FIBCD1: variants seen among roughly 807,000 people sequenced by gnomAD.
FIBCD1 encodes the protein fibrinogen C domain containing 1.
FIBCD1 carries 47 observed loss-of-function variants against 45.1 expected under a neutral mutation model. The observed-to-expected ratio is 1.04, with a 90% CI of 0.82 to 1.33. FIBCD1 has a LOEUF of 1.33. FIBCD1 is among the 40% of genes most tolerant of loss of function. The pLI is 0.00. For synonymous variants in FIBCD1, 313 were observed against 308.1 expected (o/e 1.02, Z -0.17); for missense variants, 653 against 682.2 (o/e 0.96, Z 0.48).
chr9:130,916,506 G>C (rs542936486), intron 4 of FIBCD1, among the ~76,000 whole-genome samples: 4 of 152,228 alleles, frequency 2.6e-5, no homozygotes, highest in African/African-American at 4.8e-5. Flanking sequence ...TGCAAGTGCC[G>C]AGCACGGCCC....
In FIBCD1 at chr9:130,921,500, C is replaced by T. The variant is rs144015170; in HGVS notation, c.849+2244G>A. ...GCCTCTCTCCCAGGGCCCCCGGAAC[C>T]GGGTGTCTGAGCGCCAGGGCTGGCG... On this transcript the variant is annotated intron_variant, in intron 4 of 6. Transcript: ENST00000372338. Among the ~76,000 whole-genome samples the T allele has an allele frequency of 3.6e-3, 549 of 152,354 alleles. 9 individuals carry two copies. The highest frequency in any genetic ancestry group is 0.024 in the Middle Eastern group (7 of 294).
At position 130,905,258 on chromosome 9, in the gene FIBCD1, C is replaced by T. The variant is rs555984144; in HGVS notation, c.1102G>A (p.Val368Met). The T allele has an allele frequency of 1.5e-5, 24 of 1,613,698 alleles. No individual in the cohort carries two copies. The highest frequency in any genetic ancestry group is 1.4e-4 in the South Asian group (13 of 91,026). ...DPEEDGYPLT[V>M]ADYSGTAGDS... ...CCTGCAGTGCCGGAATAGTCAGCCACGGTGAGCGGGTACCCGTCTTCCTCA... is the reference window on the plus strand; with the variant it reads ...CCTGCAGTGCCGGAATAGTCAGCCATGGTGAGCGGGTACCCGTCTTCCTCA... The change falls in exon 6 of 7, where the codon GTG becomes ATG. Residue 368 changes from valine (V) to methionine (M), a missense_variant. Transcript: ENST00000372338.
chr9:130,911,268 G>A (rs541302297), intron 5 of FIBCD1, among the ~76,000 whole-genome samples: 12 of 152,202 alleles, frequency 7.9e-5, no homozygotes, highest in East Asian at 1.9e-4. Context: ...CTCCAGGCGC[G>A]CTACCTTAAG....
rs780385985 is a variant in FIBCD1 at position 130,924,313 on chromosome 9, C to T, written c.636G>A (p.Gly212=). 80 of 1,605,580 alleles carry T rather than the reference C, an allele frequency of 5.0e-5. No individual in the cohort carries two copies. The highest frequency in any genetic ancestry group is 5.7e-5 in the Non-Finnish European group (67 of 1,177,528). ...DILDALQRDR[G]LGRPRNKADL... is the part of the protein sequence containing the mutation. Reference sequence around the variant, plus strand: ...CGGCCTTGTTGCGGGGCCGGCCCAGCCCCCGGTCCCTCTGCAGGGCATCCA... The same window carrying T: ...CGGCCTTGTTGCGGGGCCGGCCCAGTCCCCGGTCCCTCTGCAGGGCATCCA... The change falls in exon 3 of 7, where the codon GGG becomes GGA. Residue 212 remains glycine (G), a synonymous_variant. Transcript: ENST00000372338.
At chr9:130,907,898 C>CAAAA (rs11301443) in intron 5 of FIBCD1, among the ~76,000 whole-genome samples, 3 of 78,684 alleles carry the variant, frequency 3.8e-5, no homozygotes, top group South Asian at 4.7e-4. Flanking sequence ...GACTCTGTCT[C>CAAAA]AAAAAAAAAA....
chr9:130,905,660 A>G (rs569430335), intron 5 of FIBCD1, among the ~76,000 whole-genome samples: 1 of 152,118 alleles, frequency 6.6e-6, no homozygotes, highest in Non-Finnish European at 1.5e-5. Flanking sequence ...ATGCTTTTCA[A>G]ACGTTGGGGC....
intron 5 of FIBCD1, among the ~76,000 whole-genome samples, chr9:130,910,029 G>A (rs1832008083): frequency 6.6e-6 from 1 of 152,228 alleles, no homozygotes; most frequent in Non-Finnish European, 1.5e-5. Context: ...GGCACTTGAG[G>A]AGCCCTTCAG....
At chr9:130,916,770 C>A (rs1163770041) in intron 4 of FIBCD1, among the ~76,000 whole-genome samples, 1 of 152,200 alleles carries the variant, frequency 6.6e-6, no homozygotes, top group Non-Finnish European at 1.5e-5. Context: ...TTCTTTCTGC[C>A]CCACCCACCG....
upstream of FIBCD1, among the ~76,000 whole-genome samples, chr9:130,940,406 G>A (rs1490135295): frequency 6.6e-6 from 1 of 152,286 alleles, no homozygotes; most frequent in Non-Finnish European, 1.5e-5. Flanking sequence ...GAGTTGGAGA[G>A]GATCCCACAG....
intron 2 of FIBCD1, among the ~76,000 whole-genome samples, chr9:130,929,154 AG>A (rs1303987785): frequency 6.6e-6 from 1 of 151,934 alleles, no homozygotes; most frequent in East Asian, 1.9e-4. Flanking sequence ...TGCGGCTCTG[AG>A]GGGGTAGCAC....
At chr9:130,913,446 C>G (rs1354596370) in intron 4 of FIBCD1, among the ~76,000 whole-genome samples, 1 of 152,234 alleles carries the variant, frequency 6.6e-6, no homozygotes, top group Non-Finnish European at 1.5e-5. Context: ...AGGCGTCTGC[C>G]GCGTGAGCGT....
chr9:130,911,165 T>C (rs956312118), intron 5 of FIBCD1, among the ~76,000 whole-genome samples: 36 of 152,310 alleles, frequency 2.4e-4, no homozygotes, highest in African/African-American at 7.7e-4. Context: ...ACACTCACCG[T>C]GAAGGTCTGC....
chr9:130,933,501 C>G (rs977688495), intron 1 of FIBCD1, among the ~76,000 whole-genome samples: 2 of 152,196 alleles, frequency 1.3e-5, no homozygotes, highest in African/African-American at 2.4e-5. Flanking sequence ...ACTGACCACT[C>G]GCATGAGCTT....
chr9:130,927,928 T>C (rs1286611030), intron 2 of FIBCD1, among the ~76,000 whole-genome samples: 2 of 152,208 alleles, frequency 1.3e-5, no homozygotes, highest in Admixed American at 6.5e-5. Context: ...CCCAAAGTGC[T>C]GGGATTACAG....
At chr9:130,905,047 G>T (rs1831901082) in intron 6 of FIBCD1, among the ~76,000 whole-genome samples, 187 bp downstream of exon 6, 1 of 152,118 alleles carries the variant, frequency 6.6e-6, no homozygotes, top group African/African-American at 2.4e-5. Flanking sequence ...ATTTAGATTG[G>T]TTTCAGGCCT....
chr9:130,929,174 C>T (rs1832404990), intron 2 of FIBCD1, among the ~76,000 whole-genome samples: 1 of 152,120 alleles, frequency 6.6e-6, no homozygotes, highest in South Asian at 2.1e-4. Context: ...ACTGATCAGC[C>T]ACATGCCCTT....
chr9:130,904,169 C>T lies in FIBCD1; in HGVS notation c.1281G>A (p.Ala427=), dbSNP rs142422521. 150 of 1,613,552 alleles carry T rather than the reference C, an allele frequency of 9.3e-5. 1 individual carries two copies. In the African/African-American group the frequency reaches 1.7e-3, roughly 18 times the overall value. The part of the protein sequence containing the change: ...SNLNGQYLRG[A]HASYADGVEW... ...CCACGCCGTCGGCATAGGAGGCGTG[C>T]GCACCGCGCAGGTACTGCCCATTGA... is the stretch of plus-strand genomic sequence containing the variant. The change falls in exon 7 of 7, where the codon GCG becomes GCA. Residue 427 remains alanine (A), a synonymous_variant. Transcript: ENST00000372338.
intron 4 of FIBCD1, among the ~76,000 whole-genome samples, chr9:130,918,087 A>G (rs1832198264): frequency 6.6e-6 from 1 of 152,238 alleles, no homozygotes; most frequent in Non-Finnish European, 1.5e-5. Flanking sequence ...AGGGCAGAGC[A>G]GCTCCCACCC....
At chr9:130,911,104 G>A (rs921808310) in intron 5 of FIBCD1, among the ~76,000 whole-genome samples, 35 of 152,146 alleles carry the variant, frequency 2.3e-4, no homozygotes, top group African/African-American at 8.2e-4. Flanking sequence ...CCTGCGCTGT[G>A]GAAGCTTTGT....
Sources: gnomAD v4.1 joint callset for allele counts (sites outside exome capture counted in the v4.1 genomes callset) on GRCh38, gnomAD v4.1.1 for gene constraint, MANE v1.5 for transcripts, NCBI Gene and HGNC (gene_info 2026-07-23, HGNC 2026-07-21) for gene names.